Variants in SLC25A21 observed in about 807,000 individuals in gnomAD.
SLC25A21 encodes mitochondrial 2-oxodicarboxylate carrier.
SLC25A21 carries 47 observed loss-of-function variants against 43.8 expected under a neutral mutation model. The ratio of observed to expected loss-of-function variants is 1.07; its 90% confidence interval spans 0.85 to 1.37. The LOEUF (loss-of-function observed/expected upper bound fraction) is 1.37, where lower values mean the gene tolerates loss of function less well. Among genes scored for constraint, SLC25A21 ranks in the 40% most tolerant of loss-of-function variants. The pLI is 0.00. For synonymous variants in SLC25A21, 131 were observed against 121.3 expected, an observed-to-expected ratio of 1.08 and a Z score of -0.52; for missense variants, 352 against 350.2, an observed-to-expected ratio of 1.00 and a Z score of -0.04.
At chr14:36,717,615 G>C (rs576742125) in intron 6 of SLC25A21, among the ~76,000 whole-genome samples, 7 of 152,358 alleles carry the variant, frequency 4.6e-5, no homozygotes, top group African/African-American at 1.4e-4. Flanking sequence ...TGACAGTGCT[G>C]TGGCCACATG....
At chr14:37,018,610 G>A (rs774167253) in intron 1 of SLC25A21, among the ~76,000 whole-genome samples, 16 of 151,932 alleles carry the variant, frequency 1.1e-4, no homozygotes, top group Admixed American at 4.6e-4. Flanking sequence ...CATTACCCTT[G>A]TCTAAGTCTC....
chr14:36,763,219 A>T (rs1886232253), intron 3 of SLC25A21, among the ~76,000 whole-genome samples: 1 of 152,260 alleles, frequency 6.6e-6, no homozygotes, highest in Non-Finnish European at 1.5e-5. Flanking sequence ...AATTATTATC[A>T]CAGAGGCCCA....
At chr14:36,915,069 T>C (rs968593840) in intron 1 of SLC25A21, among the ~76,000 whole-genome samples, 6 of 152,130 alleles carry the variant, frequency 3.9e-5, no homozygotes, top group Admixed American at 2.6e-4. Context: ...GCAAGCTAAC[T>C]ATTCCTCCTT....
At chr14:36,763,901 C>T (rs1886258688) in intron 3 of SLC25A21, among the ~76,000 whole-genome samples, 1 of 150,648 alleles carries the variant, frequency 6.6e-6, no homozygotes, top group South Asian at 2.1e-4. Context: ...CAATGGTGGG[C>T]ACCTGTAATC....
Position 37,082,821 on chromosome 14 carries a change from A to AT in SLC25A21, c.70+89459dup, listed in dbSNP as rs1170478904. Among the ~76,000 whole-genome samples the AT allele has an allele frequency of 4.6e-5, 7 of 152,224 alleles. No homozygotes were observed. The East Asian group carries it at 1.2e-3, about 25-fold the overall frequency. ...TATTATTTTTCCAATGGAAATTAGG[A>AT]TTTTTTTAAAGTGTTTCTTCAGTAA... On this transcript the variant is annotated intron_variant, in intron 1 of 9. Coordinates refer to ENST00000331299, the MANE Select transcript of SLC25A21 (RefSeq NM_030631.4).
At chr14:36,684,987 A>G in intron 7 of SLC25A21, 62 bp from the exon 8 acceptor site, 1 of 1,348,146 alleles carries the variant, frequency 7.4e-7, no homozygotes, top group South Asian at 1.4e-5. Flanking sequence ...TCAGTTAAAC[A>G]CTATAAAGCA....
chr14:36,798,861 T>A (rs2138415973), intron 3 of SLC25A21, among the ~76,000 whole-genome samples: 1 of 152,134 alleles, frequency 6.6e-6, no homozygotes, highest in Admixed American at 6.6e-5. Context: ...TTTAATTTTC[T>A]GTCTGAAATG....
intron 3 of SLC25A21, among the ~76,000 whole-genome samples, chr14:36,807,763 G>C (rs990828552): frequency 2.6e-5 from 4 of 152,170 alleles, no homozygotes; most frequent in African/African-American, 9.7e-5. Context: ...AAGTTGTAGA[G>C]CTGTGGGCAT....
intron 4 of SLC25A21, among the ~76,000 whole-genome samples, chr14:36,732,996 C>T (rs142283005): frequency 2.8e-4 from 43 of 152,246 alleles, no homozygotes; most frequent in Middle Eastern, 6.8e-3. Context: ...CAGAACATTG[C>T]TTTTGGAAAA....
At chr14:36,984,774 G>A (rs1960107590) in intron 1 of SLC25A21, among the ~76,000 whole-genome samples, 1 of 151,982 alleles carries the variant, frequency 6.6e-6, no homozygotes, top group Non-Finnish European at 1.5e-5. Context: ...GACCCCAAGA[G>A]TTTCACCAAG....
chr14:36,741,855 G>A (rs1885277366), intron 3 of SLC25A21, among the ~76,000 whole-genome samples: 1 of 152,176 alleles, frequency 6.6e-6, no homozygotes, highest in African/African-American at 2.4e-5. Flanking sequence ...AAATTGGAAA[G>A]CATTAACACG....
intron 1 of SLC25A21, among the ~76,000 whole-genome samples, chr14:36,875,398 A>T (rs1890491383): frequency 6.6e-6 from 1 of 152,202 alleles, no homozygotes; most frequent in Non-Finnish European, 1.5e-5. Context: ...AATCTCTCCC[A>T]GCTTTGGTAT....
At chr14:37,169,114 G>C (rs1465737421) in intron 1 of SLC25A21, among the ~76,000 whole-genome samples, 3 of 152,166 alleles carry the variant, frequency 2.0e-5, no homozygotes. Context: ...CTTAACAGCA[G>C]AGTGACCCAC....
chr14:37,143,207 C>A (rs1033426422), intron 1 of SLC25A21, among the ~76,000 whole-genome samples: 4 of 152,164 alleles, frequency 2.6e-5, no homozygotes, highest in African/African-American at 9.7e-5. Context: ...CAAAAAGGGA[C>A]AAAATTTGGC....
chr14:36,990,128 A>G (rs567596107), intron 1 of SLC25A21, among the ~76,000 whole-genome samples: 1 of 152,256 alleles, frequency 6.6e-6, no homozygotes, highest in Admixed American at 6.5e-5. Context: ...GGTACACACG[A>G]CACCTAAGTC....
intron 3 of SLC25A21, among the ~76,000 whole-genome samples, chr14:36,794,684 G>T (rs187083600): frequency 1.3e-5 from 2 of 151,576 alleles, no homozygotes; most frequent in Non-Finnish European, 2.9e-5. Context: ...CAGGAGAATC[G>T]CTTGAATCTG....
chr14:36,736,625 G>GA (rs58319808), intron 3 of SLC25A21, among the ~76,000 whole-genome samples: 28,271 of 148,824 alleles, frequency 0.19, 2,869 homozygotes, highest in Middle Eastern at 0.31. Context: ...ATTATTGTAG[G>GA]AAAAAAAAAA....
chr14:37,032,262 G>A (rs772528024), intron 1 of SLC25A21, among the ~76,000 whole-genome samples: 7 of 152,050 alleles, frequency 4.6e-5, no homozygotes, highest in African/African-American at 7.2e-5. Flanking sequence ...CAAGCTGGGC[G>A]CGGTGGCTCA....
chr14:36,804,910 T>C (rs546700702), intron 3 of SLC25A21, among the ~76,000 whole-genome samples: 1 of 152,320 alleles, frequency 6.6e-6, no homozygotes, highest in Admixed American at 6.5e-5. Context: ...ATACTTTCTC[T>C]GTAATGTGAC....
Sources: gnomAD v4.1 joint callset for allele counts (sites outside exome capture counted in the v4.1 genomes callset) on GRCh38, gnomAD v4.1.1 for gene constraint, MANE v1.5 for transcripts, NCBI Gene and HGNC (gene_info 2026-07-23, HGNC 2026-07-21) for gene names.